Variants in SLC35F2 observed in about 807,000 individuals in gnomAD.
SLC35F2 encodes the protein queuine/queuosine transporter SLC35F2.
SLC35F2 carries 25 observed loss-of-function variants against 38.1 expected under a neutral mutation model. The ratio of observed to expected loss-of-function variants is 0.66; its 90% CI spans 0.48 to 0.92. SLC35F2 has a LOEUF of 0.92. Ranked by LOEUF, SLC35F2 falls within the 40% of genes least tolerant of loss-of-function variation. The pLI is 0.00. For missense variants in SLC35F2, 409 were observed against 452.9 expected (o/e 0.90, Z 0.88); for synonymous variants, 173 against 181.7 (o/e 0.95, Z 0.38).
chr11:107,810,941 A>C, intron 3 of SLC35F2: 1 of 973,002 alleles, frequency 1.0e-6, no homozygotes, highest in Non-Finnish European at 1.2e-6. Context: ...CATCTGATAC[A>C]CACTTTTTTT....
At chr11:107,827,990 G>A (rs1189233975) in intron 1 of SLC35F2, among the ~76,000 whole-genome samples, 1 of 152,174 alleles carries the variant, frequency 6.6e-6, no homozygotes, top group Non-Finnish European at 1.5e-5. Context: ...TTTCAGACCT[G>A]GGGCAGGAAA....
chr11:107,810,310 G>A, intron 3 of SLC35F2: 3 of 985,362 alleles, frequency 3.0e-6, no homozygotes, highest in Non-Finnish European at 3.6e-6. Flanking sequence ...ATTGAAAGAA[G>A]GCATGAACTT....
chr11:107,854,664 A>C (rs1026516980), intron 1 of SLC35F2, among the ~76,000 whole-genome samples: 2 of 152,142 alleles, frequency 1.3e-5, no homozygotes, highest in Admixed American at 6.6e-5. Flanking sequence ...GATATTCCTA[A>C]TCATAGAGAA....
At chr11:107,818,895 C>T (rs528874612) in intron 1 of SLC35F2, among the ~76,000 whole-genome samples, 1 of 152,266 alleles carries the variant, frequency 6.6e-6, no homozygotes, top group East Asian at 1.9e-4. Context: ...AATTCCAGCA[C>T]TTTGGGAAGC....
At chr11:107,829,778 T>C (rs1406941563) in intron 1 of SLC35F2, among the ~76,000 whole-genome samples, 5 of 151,226 alleles carry the variant, frequency 3.3e-5, no homozygotes, top group African/African-American at 4.9e-5. Context: ...GAAAAAAATA[T>C]ATATATCCTC....
At position 107,846,329 on chromosome 11, in the gene SLC35F2, T is replaced by C. The variant is rs985076487; in HGVS notation, c.110+12329A>G. Among the ~76,000 whole-genome samples, 5 of 152,102 alleles carry C rather than the reference T, an allele frequency of 3.3e-5. No individual in the cohort carries two copies. The East Asian group carries it at 5.8e-4, about 18-fold the overall frequency. On this transcript the variant is annotated intron_variant, in intron 1 of 7. Transcript: ENST00000525815. ...TTGCCTCTCAGCAGAAAAAAGTGAA[T>C]GATGATGATCCTGAATCATGAAGAA...
At chr11:107,813,729 G>T (rs1289039197) in intron 2 of SLC35F2, among the ~76,000 whole-genome samples, 2 of 151,996 alleles carry the variant, frequency 1.3e-5, no homozygotes, top group East Asian at 3.9e-4. Flanking sequence ...GCAGTGGTGT[G>T]ATCTTGGCTC....
intron 1 of SLC35F2, 37 bp from the exon 2 acceptor site, chr11:107,816,002 A>T (rs375025984): frequency 5.1e-6 from 8 of 1,573,228 alleles, no homozygotes; most frequent in Non-Finnish European, 6.0e-6. Flanking sequence ...CAGCATGCAA[A>T]TAAGTTATAC....
chr11:107,853,916 G>A (rs1283967246), intron 1 of SLC35F2, among the ~76,000 whole-genome samples: 8 of 151,838 alleles, frequency 5.3e-5, no homozygotes, highest in South Asian at 2.1e-4. Context: ...AGGAATACGC[G>A]TTTTTAAAAT....
intron 3 of SLC35F2, chr11:107,809,926 G>A: frequency 1.0e-6 from 1 of 985,416 alleles, no homozygotes; most frequent in South Asian, 4.7e-5. Flanking sequence ...TGGGAAATGG[G>A]TTGATGTGGC....
chr11:107,820,464 T>C (rs192452944), intron 1 of SLC35F2, among the ~76,000 whole-genome samples: 24 of 152,118 alleles, frequency 1.6e-4, no homozygotes, highest in Admixed American at 6.5e-4. Flanking sequence ...AGGAGCAGTG[T>C]TAATGCCCAA....
intron 3 of SLC35F2, chr11:107,809,783 T>G (rs1420257018): frequency 1.0e-6 from 1 of 984,710 alleles, no homozygotes; most frequent in East Asian, 1.1e-4. Flanking sequence ...TTAGATCATA[T>G]TAGAGGTACA....
rs547201018 is a variant in SLC35F2 at position 107,822,067 on chromosome 11, A to G, written c.111-6102T>C. 1.2e-4 allele frequency among the ~76,000 whole-genome samples: 18 copies of G among 152,276 alleles called. 1 individual carries two copies. In the South Asian group the frequency reaches 3.3e-3, roughly 28 times the overall value. On this transcript the variant is annotated intron_variant, in intron 1 of 7. Coordinates refer to ENST00000525815, the MANE Select transcript of SLC35F2 (RefSeq NM_017515.5). ...AGCCTGGCCAACATGGTGAAACCCC[A>G]TATATTTTGGAAAAATACAAAAAAA...
chr11:107,803,989 ATAAT>A (rs1859357423), intron 6 of SLC35F2, among the ~76,000 whole-genome samples: 1 of 111,262 alleles, frequency 9.0e-6, no homozygotes, highest in South Asian at 3.0e-4. Flanking sequence ...CCATGCCCGG[ATAAT>A]TTTTTTTTTT....
intron 1 of SLC35F2, among the ~76,000 whole-genome samples, chr11:107,849,127 G>A (rs188361118): frequency 1.6e-3 from 236 of 148,864 alleles, no homozygotes; most frequent in African/African-American, 5.2e-3. Flanking sequence ...ACCTATTTTT[G>A]TAGGATTGTC....
At chr11:107,824,912 A>G (rs1859729362) in intron 1 of SLC35F2, among the ~76,000 whole-genome samples, 1 of 152,212 alleles carries the variant, frequency 6.6e-6, no homozygotes. Context: ...TGCACCATCC[A>G]ATAGAGTAGC....
intron 1 of SLC35F2, among the ~76,000 whole-genome samples, chr11:107,845,512 C>A (rs1015514875): frequency 1.0e-4 from 15 of 150,478 alleles, no homozygotes; most frequent in African/African-American, 3.7e-4. Flanking sequence ...CAAAGTGAGA[C>A]CCCATCTCCA....
At chr11:107,815,082 AAAAG>A (rs1459670745) in intron 2 of SLC35F2, among the ~76,000 whole-genome samples, 6 of 152,088 alleles carry the variant, frequency 3.9e-5, no homozygotes, top group Non-Finnish European at 8.8e-5. Flanking sequence ...TGTATAAAAA[AAAAG>A]AGAGAGAGAC....
chr11:107,840,833 A>T (rs191630686), intron 1 of SLC35F2: 1 of 152,210 alleles, frequency 6.6e-6, no homozygotes, highest in Admixed American at 6.5e-5. Context: ...CAACTGACCT[A>T]CTACACTCGT....
Sources: gnomAD v4.1 joint callset for allele counts (sites outside exome capture counted in the v4.1 genomes callset) on GRCh38, gnomAD v4.1.1 for gene constraint, MANE v1.5 for transcripts, NCBI Gene and HGNC (gene_info 2026-07-23, HGNC 2026-07-21) for gene names.